The following NTM variants were observed in gnomAD, a reference collection of about 807,000 sequenced individuals.
NTM encodes IgLON family member 2.
NTM carries 13 observed loss-of-function variants against 42.1 expected under a neutral mutation model. That is an observed-to-expected ratio of 0.31 (90% CI 0.20 to 0.49). The LOEUF (loss-of-function observed/expected upper bound fraction) is 0.49. Ranked by LOEUF, NTM falls within the 20% of genes least tolerant of loss-of-function variation. The pLI is 0.99. For synonymous variants in NTM, 187 were observed against 179.2 expected (o/e 1.04, Z -0.35); for missense variants, 373 against 452.8 (o/e 0.82, Z 1.60).
At chr11:132,112,413 A>G (rs1479409871) in intron 2 of NTM, among the ~76,000 whole-genome samples, 14 of 152,206 alleles carry the variant, frequency 9.2e-5, no homozygotes, top group Admixed American at 9.2e-4. Context: ...TTCAGAAACC[A>G]TTCCCTTAGT....
intron 2 of NTM, among the ~76,000 whole-genome samples, chr11:131,989,999 A>G (rs2066741259): frequency 6.6e-6 from 1 of 152,130 alleles, no homozygotes; most frequent in Non-Finnish European, 1.5e-5. Context: ...TTGGAACAAT[A>G]AAGACATCCA....
rs1349859069 is a variant in NTM, at chr11:132,213,803, C to T, written c.526+1656C>T. 7.1e-5 allele frequency among the ~76,000 whole-genome samples: 4 copies of T among 56,288 alleles called. 1 individual carries two copies. In the East Asian group the frequency reaches 9.8e-4, roughly 14 times the overall value. 36.9% of individuals were successfully genotyped at this position (56,288 alleles called of 152,430 possible). ...AGGCTGGAGTGCAGTGGCGGGATCT[C>T]GGCTCACTGCAAGCTCCGCCTCCCG... On this transcript the variant is annotated intron_variant, in intron 4 of 8. Coordinates refer to ENST00000683400, the MANE Select transcript of NTM (RefSeq NM_001352005.2).
chr11:131,763,381 G>A lies in NTM; in HGVS notation c.83-148183G>A, dbSNP rs188429541. On this transcript the variant is annotated intron_variant, in intron 1 of 8. Coordinates refer to ENST00000683400, the MANE Select transcript of NTM (RefSeq NM_001352005.2). ...TACCCTGGCAAGAACTCCACCCCAC[G>A]TGCACCCACTAGTCATTGAATCAAT... Among the ~76,000 whole-genome samples the A allele has an allele frequency of 1.7e-3, 255 of 152,210 alleles. 5 individuals are homozygous for A. The highest frequency in any genetic ancestry group is 0.016 in the Admixed American group (237 of 15,286).
Position 131,516,439 on chromosome 11 carries a change from C to T in NTM, c.82+145551C>T, listed in dbSNP as rs571888386. 1.9e-4 allele frequency among the ~76,000 whole-genome samples: 29 copies of T among 152,250 alleles called. 1 individual carries two copies. Among genetic ancestry groups the T allele is most frequent in the African/African-American group, 5.3e-4 (22 of 41,548 alleles). The stretch of plus-strand genomic sequence containing the variant: ...TGTTGCCCAGGCTGGAGAGCAGTGG[C>T]GCGATCTCGGCTCACGCAATCTCCG... On this transcript the variant is annotated intron_variant, in intron 1 of 8. Coordinates refer to ENST00000683400, the MANE Select transcript of NTM (RefSeq NM_001352005.2).
intron 1 of NTM, among the ~76,000 whole-genome samples, chr11:131,406,895 T>C (rs955291281): frequency 6.6e-6 from 1 of 152,224 alleles, no homozygotes; most frequent in Admixed American, 6.5e-5. Flanking sequence ...CATAAGTAAC[T>C]TTTCATTGAG....
intron 7 of NTM, among the ~76,000 whole-genome samples, chr11:132,320,293 C>G (rs1176786375): frequency 6.6e-6 from 1 of 152,182 alleles, no homozygotes; most frequent in East Asian, 1.9e-4. Context: ...GAGTGCCAGA[C>G]AGTGGGTGCA....
At chr11:132,193,502 CA>C (rs747903285) in intron 3 of NTM, among the ~76,000 whole-genome samples, 14 of 151,654 alleles carry the variant, frequency 9.2e-5, no homozygotes, top group Non-Finnish European at 1.9e-4. Flanking sequence ...ATATTTGGGA[CA>C]TAGTTAAACA....
intron 1 of NTM, among the ~76,000 whole-genome samples, chr11:131,752,419 G>T (rs899089798): frequency 6.6e-6 from 1 of 152,192 alleles, no homozygotes; most frequent in African/African-American, 2.4e-5. Context: ...GGAGAAATAG[G>T]AACACTTTTA....
At chr11:132,031,544 T>A in intron 2 of NTM, among the ~76,000 whole-genome samples, 1 of 152,098 alleles carries the variant, frequency 6.6e-6, no homozygotes, top group Non-Finnish European at 1.5e-5. Context: ...GATAAAGAGA[T>A]GGGTCAAGGA....
At chr11:131,921,530 C>A (rs1431364460) in intron 2 of NTM, among the ~76,000 whole-genome samples, 1 of 152,212 alleles carries the variant, frequency 6.6e-6, no homozygotes, top group Non-Finnish European at 1.5e-5. Context: ...CACATTTCCA[C>A]TGTTTTCAGC....
intron 7 of NTM, among the ~76,000 whole-genome samples, chr11:132,317,414 G>A (rs766094848): frequency 9.2e-5 from 14 of 152,236 alleles, no homozygotes; most frequent in Admixed American, 2.6e-4. Flanking sequence ...TATGTATGGC[G>A]TAACCAGCTC....
At chr11:131,421,258 C>A (rs1171317771) in intron 1 of NTM, among the ~76,000 whole-genome samples, 2 of 152,202 alleles carry the variant, frequency 1.3e-5, no homozygotes, top group Non-Finnish European at 2.9e-5. Flanking sequence ...CCCTGGATGA[C>A]CAAAGGCCCT....
Position 132,156,518 on chromosome 11 carries a change from G to A in NTM, c.400+10004G>A, listed in dbSNP as rs150190008. Among the ~76,000 whole-genome samples, 5 of 152,312 alleles carry A rather than the reference G, an allele frequency of 3.3e-5. No homozygotes were observed. In the East Asian group the frequency reaches 9.7e-4, roughly 29 times the overall value. ...TTGCCACAGTTAAAATGTGGCATTT[G>A]TCTGTGTGATTGGTTGATTATGTCA... On this transcript the variant is annotated intron_variant, in intron 3 of 8. Coordinates refer to ENST00000683400, the MANE Select transcript of NTM (RefSeq NM_001352005.2).
intron 1 of NTM, among the ~76,000 whole-genome samples, chr11:131,877,478 G>T (rs945720708): frequency 6.6e-6 from 1 of 152,078 alleles, no homozygotes; most frequent in African/African-American, 2.4e-5. Flanking sequence ...TCACAGAGCC[G>T]CAGAAACCCA....
At chr11:131,498,073 A>G (rs61901918) in intron 1 of NTM, among the ~76,000 whole-genome samples, 4,066 of 152,268 alleles carry the variant, frequency 0.027, 82 homozygotes, top group Non-Finnish European at 0.041. Flanking sequence ...CCGTTTCTCC[A>G]TCGCTCCATC....
intron 1 of NTM, among the ~76,000 whole-genome samples, chr11:131,694,917 C>A (rs922953585): frequency 5.9e-5 from 9 of 152,122 alleles, no homozygotes; most frequent in Non-Finnish European, 1.2e-4. Flanking sequence ...TCGCTCAGCG[C>A]CCTCGCAGCC....
chr11:131,793,643 A>G (rs2091221379), intron 1 of NTM, among the ~76,000 whole-genome samples: 1 of 152,208 alleles, frequency 6.6e-6, no homozygotes, highest in Non-Finnish European at 1.5e-5. Context: ...CAGGTTTACA[A>G]GGTGGAAGCC....
Position 131,670,468 on chromosome 11 carries a change from T to C in NTM, c.83-241096T>C, listed in dbSNP as rs541545062. ...ACATGTCTGCATTCATGTAGTATTC[T>C]GTGGCTGTCTGTTTCGTTCCCATTT... On this transcript the variant is annotated intron_variant, in intron 1 of 8. Transcript: ENST00000683400. 2.6e-5 allele frequency among the ~76,000 whole-genome samples: 4 copies of C among 152,322 alleles called. No individual in the cohort carries two copies. The South Asian group carries it at 8.3e-4, about 32-fold the overall frequency.
At chr11:131,945,062 T>A (rs1193745080) in intron 2 of NTM, among the ~76,000 whole-genome samples, 2 of 152,228 alleles carry the variant, frequency 1.3e-5, no homozygotes. Flanking sequence ...TGGTTTTGTT[T>A]TATTTTCCCC....
Sources: gnomAD v4.1 joint callset for allele counts (sites outside exome capture counted in the v4.1 genomes callset) on GRCh38, gnomAD v4.1.1 for gene constraint, MANE v1.5 for transcripts, NCBI Gene and HGNC (gene_info 2026-07-23, HGNC 2026-07-21) for gene names.